The following EDAR variants were observed in gnomAD, a reference collection of about 807,000 sequenced individuals.
EDAR encodes the protein tumor necrosis factor receptor superfamily member EDAR.
Under a neutral mutation model 51.3 loss-of-function variants are expected in EDAR, and 38 were observed. That is an observed-to-expected ratio of 0.74 (90% CI 0.57 to 0.97). EDAR has a LOEUF of 0.97. EDAR is among the 50% of genes least tolerant of loss of function. The pLI is 0.00. For missense variants in EDAR, 528 were observed against 595.0 expected, an observed-to-expected ratio of 0.89 and a Z score of 1.17; for synonymous variants, 227 against 242.1, an observed-to-expected ratio of 0.94 and a Z score of 0.58.
intron 3 of EDAR, among the ~76,000 whole-genome samples, chr2:108,929,655 G>A (rs1697328576): frequency 6.6e-6 from 1 of 152,182 alleles, no homozygotes; most frequent in African/African-American, 2.4e-5. Flanking sequence ...CCCAGGCAGT[G>A]CAGGTAGCAC....
intron 1 of EDAR, among the ~76,000 whole-genome samples, chr2:108,939,650 T>G (rs558750253): frequency 9.2e-5 from 14 of 152,320 alleles, no homozygotes; most frequent in African/African-American, 3.4e-4. Context: ...GTAAGGCCAT[T>G]GCTATACCCT....
chr2:108,974,197 G>A (rs1698282866), intron 1 of EDAR, among the ~76,000 whole-genome samples: 1 of 151,628 alleles, frequency 6.6e-6, no homozygotes, highest in African/African-American at 2.4e-5. Flanking sequence ...GGGCGTGGTG[G>A]CAGGCGCCTG....
intron 1 of EDAR, among the ~76,000 whole-genome samples, chr2:108,977,074 T>C (rs988321632): frequency 2.0e-5 from 3 of 152,156 alleles, no homozygotes; most frequent in Non-Finnish European, 2.9e-5. Context: ...GAAAGACACC[T>C]GTGCTGTGAT....
At chr2:108,934,680 C>T (rs1465080303) in intron 1 of EDAR, among the ~76,000 whole-genome samples, 1 of 152,090 alleles carries the variant, frequency 6.6e-6, no homozygotes, top group East Asian at 1.9e-4. Flanking sequence ...TAAGAGAGTG[C>T]AAGCAGGGCC....
chr2:108,984,303 C>T (rs538862375), intron 1 of EDAR, among the ~76,000 whole-genome samples: 1 of 152,270 alleles, frequency 6.6e-6, no homozygotes, highest in Admixed American at 6.5e-5. Flanking sequence ...ACCGGCGTGG[C>T]ATGGGATGGG....
chr2:108,906,348 C>A lies in EDAR; in HGVS notation c.984G>T (p.Lys328Asn). 2 of 1,614,208 alleles carry A rather than the reference C, an allele frequency of 1.2e-6. No homozygotes were observed. The highest frequency in any genetic ancestry group is 1.7e-6 in the Non-Finnish European group (2 of 1,180,030). The change falls in exon 11 of 12, where the codon AAG becomes AAT. Residue 328 changes from lysine (K) to asparagine (N), a missense_variant. Transcript: ENST00000258443. ...KSAGIQSRRK[K>N]ILDVYANVCG... ...ACACGTTGGCATACACATCGAGGAT[C>A]TTTTTCCTCCGGCTTTGAATCTGTG...
intron 1 of EDAR, among the ~76,000 whole-genome samples, chr2:108,955,101 C>T (rs1697894735): frequency 6.6e-6 from 1 of 152,120 alleles, no homozygotes; most frequent in African/African-American, 2.4e-5. Context: ...ATTATAAGAA[C>T]AGGACTCTAA....
chr2:108,912,654 T>C, intron 6 of EDAR, 24 bp downstream of exon 6: 1 of 1,562,462 alleles, frequency 6.4e-7, no homozygotes, highest in Non-Finnish European at 8.7e-7. Context: ...CTCCAGGTGA[T>C]CGATACCTGA....
intron 1 of EDAR, among the ~76,000 whole-genome samples, chr2:108,938,199 C>T (rs1294705713): frequency 6.6e-6 from 1 of 152,188 alleles, no homozygotes; most frequent in Admixed American, 6.5e-5. Flanking sequence ...TTCTATTTGA[C>T]TCAACTTTTT....
chr2:108,901,185 A>G (rs1050318952), intron 11 of EDAR, among the ~76,000 whole-genome samples: 1 of 152,248 alleles, frequency 6.6e-6, no homozygotes, highest in African/African-American at 2.4e-5. Context: ...ATATAAATAT[A>G]TAACAGAAAA....
At chr2:108,983,079 T>C (rs1376190067) in intron 1 of EDAR, among the ~76,000 whole-genome samples, 1 of 152,180 alleles carries the variant, frequency 6.6e-6, no homozygotes, top group East Asian at 1.9e-4. Flanking sequence ...GCACAATTAG[T>C]TTGTGCTGCT....
intron 1 of EDAR, among the ~76,000 whole-genome samples, chr2:108,939,961 C>A (rs1252068759): frequency 6.6e-6 from 1 of 152,212 alleles, no homozygotes; most frequent in African/African-American, 2.4e-5. Context: ...GTCTCAGTGA[C>A]GCTGATTCTG....
chr2:108,981,529 C>T (rs1698420158), intron 1 of EDAR, among the ~76,000 whole-genome samples: 1 of 152,228 alleles, frequency 6.6e-6, no homozygotes, highest in South Asian at 2.1e-4. Context: ...CAAACAACAC[C>T]TGTCCAGGAT....
chr2:108,897,183 G>A lies in EDAR; in HGVS notation c.1071C>T (p.Ser357=), dbSNP rs1355681214. Residue 357 remains serine (S), a synonymous_variant, in exon 12 of 12, where the codon AGC becomes AGT. Transcript: ENST00000258443. ...ELPFDCLEKT[S]RMLSSTYNSE... is the part of the protein sequence containing the mutation. ...AGTTGTACGTGGAGCTGAGCATTCG[G>A]CTAGTCTTCTCGAGGCAATCAAATG... The A allele has an allele frequency of 6.2e-7, 1 of 1,613,800 alleles. No individual in the cohort carries two copies. The highest frequency in any genetic ancestry group is 8.5e-7 in the Non-Finnish European group (1 of 1,180,036).
chr2:108,931,136 C>T (rs1249766021), intron 1 of EDAR, 104 bp from the exon 2 acceptor site: 1 of 897,710 alleles, frequency 1.1e-6, no homozygotes, highest in African/African-American at 1.6e-5. Context: ...TTCCAGCAAA[C>T]AGAGGGGAAA....
intron 4 of EDAR, among the ~76,000 whole-genome samples, chr2:108,926,172 C>T (rs1697250947): frequency 6.6e-6 from 1 of 152,210 alleles, no homozygotes; most frequent in Non-Finnish European, 1.5e-5. Flanking sequence ...TCTGCCTGGG[C>T]TTGTCACCAA....
intron 1 of EDAR, among the ~76,000 whole-genome samples, chr2:108,950,288 C>CT (rs1697800192): frequency 9.8e-6 from 1 of 101,702 alleles, no homozygotes; most frequent in Non-Finnish European, 1.9e-5. Context: ...TCTTTTTTTT[C>CT]TTTTTTTGAC....
intron 1 of EDAR, among the ~76,000 whole-genome samples, chr2:108,960,517 A>C (rs1574406114): frequency 6.6e-6 from 1 of 152,304 alleles, no homozygotes; most frequent in African/African-American, 2.4e-5. Context: ...GGCAGGGTGC[A>C]CACCTGTCTC....
At chr2:108,947,356 G>A (rs947895788) in intron 1 of EDAR, among the ~76,000 whole-genome samples, 27 of 152,230 alleles carry the variant, frequency 1.8e-4, no homozygotes, top group African/African-American at 2.6e-4. Context: ...GCAAGCTGTC[G>A]GTGGATCTAC....
Sources: gnomAD v4.1 joint callset for allele counts (sites outside exome capture counted in the v4.1 genomes callset) on GRCh38, gnomAD v4.1.1 for gene constraint, MANE v1.5 for transcripts, NCBI Gene and HGNC (gene_info 2026-07-23, HGNC 2026-07-21) for gene names.